Variants in ZSCAN9 observed in about 807,000 individuals in gnomAD.
The protein encoded by ZSCAN9 is zinc finger and SCAN domain containing 9, also known as zinc finger and SCAN domain-containing protein 9.
ZSCAN9 carries 19 observed loss-of-function variants against 23.0 expected under a neutral mutation model. That is an observed-to-expected ratio of 0.83 (90% CI 0.58 to 1.21). The LOEUF (loss-of-function observed/expected upper bound fraction) is 1.21. Among genes scored for constraint, ZSCAN9 ranks in the 50% most tolerant of loss-of-function variants. ZSCAN9 has a pLI of 0.00. For missense variants in ZSCAN9, 467 were observed against 471.5 expected, an observed-to-expected ratio of 0.99 and a Z score of 0.09; for synonymous variants, 155 against 164.8, an observed-to-expected ratio of 0.94 and a Z score of 0.46.
chr6:28,230,098 T>G (rs762217970), intron 3 of ZSCAN9, among the ~76,000 whole-genome samples: 1 of 152,086 alleles, frequency 6.6e-6, no homozygotes, highest in East Asian at 1.9e-4. Context: ...ACCTCGTGAT[T>G]CGCCCGCCTC....
Position 28,233,286 on chromosome 6 carries a change from A to C in ZSCAN9, c.*108A>C. ...TTCTCCATGAAATGTGTTTGAAACA[A>C]ATCCTGACTTAAGGCCCAGGGACTT... On this transcript the variant is annotated 3_prime_UTR_variant, in exon 4 of 4. Coordinates refer to ENST00000252207, the MANE Select transcript of ZSCAN9 (RefSeq NM_006299.5). 6.6e-7 allele frequency: 1 copy of C among 1,505,060 alleles called. No individual in the cohort carries two copies. Among genetic ancestry groups the C allele is most frequent in the Middle Eastern group, 2.4e-4 (1 of 4,116 alleles). 93.2% of individuals were successfully genotyped at this position (1,505,060 alleles called of 1,614,324 possible). A position where few individuals can be genotyped will look rare whatever the true frequency, so the allele number is the denominator to read the frequency against.
chr6:28,230,125 G>A (rs529797224), intron 3 of ZSCAN9, among the ~76,000 whole-genome samples: 1 of 152,306 alleles, frequency 6.6e-6, no homozygotes, highest in East Asian at 1.9e-4. Flanking sequence ...CCGAAGTGCT[G>A]GGATTACAGG....
In ZSCAN9 at chr6:28,227,226, A is replaced by C. The variant is rs1385266081; in HGVS notation, c.142A>C (p.Arg48=). The C allele has an allele frequency of 6.2e-7, 1 of 1,614,240 alleles. No homozygotes were observed. Among genetic ancestry groups the C allele is most frequent in the East Asian group, 2.2e-5 (1 of 44,886 alleles). ...SRLKRSNPLA[R]EIFRRHFRQL... is the part of the protein sequence containing the mutation. ...ACTGAAACGCAGTAATCCACTGGCA[A>C]GGGAAATCTTCCGAAGGCACTTTCG... Residue 48 remains arginine, a synonymous_variant, in exon 2 of 4, where the codon AGG becomes CGG. Coordinates refer to ENST00000252207, the MANE Select transcript of ZSCAN9 (RefSeq NM_006299.5).
At position 28,233,173 on chromosome 6, in the gene ZSCAN9, G is replaced by T. The variant is rs1197032968; in HGVS notation, c.1180G>T (p.Val394Phe). The change falls in exon 4 of 4, where the codon GTC (valine) becomes TTC (phenylalanine). Residue 394 changes from valine (V) to phenylalanine (F), a missense_variant. Coordinates refer to ENST00000252207, the MANE Select transcript of ZSCAN9 (RefSeq NM_006299.5). ...GAAGATCCACACAGTGGCTGAGCTG[G>T]TCTAGGGCTTGGCTATGAGCAAGTT... is the stretch of plus-strand genomic sequence containing the variant. ...HQKIHTVAEL[V>F] The T allele has an allele frequency of 6.2e-7, 1 of 1,611,050 alleles. No individual in the cohort carries two copies. Among genetic ancestry groups the T allele is most frequent in the East Asian group, 2.2e-5 (1 of 44,816 alleles).
Position 28,233,389 on chromosome 6 carries a change from G to A in ZSCAN9, c.*211G>A. ...TACCTCTTTCTTACTCTTACTAGCT[G>A]TGTCCCTCTTATTTATAATTTATTT... On this transcript the variant is annotated 3_prime_UTR_variant, in exon 4 of 4. Coordinates refer to ENST00000252207, the MANE Select transcript of ZSCAN9 (RefSeq NM_006299.5). 1.5e-6 allele frequency: 1 copy of A among 666,182 alleles called. No homozygotes were observed. Among genetic ancestry groups the A allele is most frequent in the Non-Finnish European group, 2.3e-6 (1 of 443,954 alleles). 41.3% of individuals were successfully genotyped at this position (666,182 alleles called of 1,614,324 possible). A position where few individuals can be genotyped will look rare whatever the true frequency, so the allele number is the denominator to read the frequency against.
chr6:28,227,090 T>C lies in ZSCAN9; in HGVS notation c.6T>C (p.Asn2=). 1.2e-6 allele frequency: 2 copies of C among 1,613,052 alleles called. No homozygotes were observed. Among genetic ancestry groups the C allele is most frequent in the Non-Finnish European group, 1.7e-6 (2 of 1,179,392 alleles). Residue 2 remains asparagine, a synonymous_variant, in exon 2 of 4, where the codon AAT becomes AAC. Transcript: ENST00000252207. ...TTAAGCTGTTCAAGGTCAAGATGAA[T>C]ACAAACTCAAAGGAGGTTTTATCCC... M[N]TNSKEVLSLG...
In ZSCAN9 at chr6:28,232,930, A is replaced by G. The variant is rs1760362270; in HGVS notation, c.937A>G (p.Lys313Glu). The part of the protein sequence containing the change: ...IHNIQKRYHC[K>E]ECGKVFSQSA... ...CAATATACAGAAACGGTACCACTGC[A>G]AGGAGTGTGGGAAGGTCTTCAGTCA... Residue 313 changes from lysine (K) to glutamate (E), a missense_variant, in exon 4 of 4, where the codon AAG becomes GAG. By Grantham distance (56) the Lys-to-Glu change is moderately conservative (BLOSUM62 1). Transcript: ENST00000252207. 1.2e-6 allele frequency: 2 copies of G among 1,614,224 alleles called. No individual in the cohort carries two copies. The highest frequency in any genetic ancestry group is 1.7e-6 in the Non-Finnish European group (2 of 1,180,032).
rs1233663 is a variant in ZSCAN9, at chr6:28,232,454, C to A, written c.569-108C>A. 1.8e-3 allele frequency: 2,692 copies of A among 1,497,338 alleles called. 13 individuals carry two copies. Among genetic ancestry groups the A allele is most frequent in the African/African-American group, 0.012 (826 of 70,556 alleles). The allele number at this position is 1,497,338 out of a possible 1,614,324, so 92.8% of individuals were successfully genotyped here. On this transcript the variant is annotated intron_variant, in intron 3 of 3. Transcript: ENST00000252207. ...GGAAAGTGTTACCACACTAGCCCTT[C>A]TGTTTCTAGCCCACTTCCTTTTCTA...
intron 1 of ZSCAN9, among the ~76,000 whole-genome samples, chr6:28,226,676 C>A (rs903634616): frequency 6.6e-6 from 1 of 152,036 alleles, no homozygotes; most frequent in Non-Finnish European, 1.5e-5. Context: ...TGACGTAATC[C>A]CAGCACTTTG....
intron 3 of ZSCAN9, among the ~76,000 whole-genome samples, chr6:28,232,318 G>A (rs1409344206): frequency 6.6e-6 from 1 of 151,958 alleles, no homozygotes; most frequent in Non-Finnish European, 1.5e-5. Context: ...GCTACAGAGT[G>A]ACACTCTGGC....
chr6:28,230,212 G>A (rs1310791481), intron 3 of ZSCAN9: 1 of 835,046 alleles, frequency 1.2e-6, no homozygotes, highest in East Asian at 2.8e-5. Context: ...GTTTTGTGGT[G>A]AGTCAGTTTG....
At chr6:28,227,876 C>A (rs1205344642) in intron 3 of ZSCAN9, 39 bp downstream of exon 3, 2 of 1,610,722 alleles carry the variant, frequency 1.2e-6, no homozygotes, top group Non-Finnish European at 1.7e-6. Flanking sequence ...ACGAATCCCA[C>A]CTGGTCAAGC....
At chr6:28,226,901 A>G in intron 1 of ZSCAN9, 111 bp from the exon 2 acceptor site, 2 of 528,754 alleles carry the variant, frequency 3.8e-6, no homozygotes, top group South Asian at 3.5e-5. Context: ...TTGGTCACCA[A>G]ATCACTTTTC....
In ZSCAN9 at chr6:28,232,849, G is replaced by C; in HGVS notation, c.856G>C (p.Glu286Gln). ...HTGERPYECN[E>Q]CGKAFSRSSG... ...TGGAGAAAGACCTTATGAATGTAAT[G>C]AATGTGGGAAAGCCTTCAGTCGAAG... Residue 286 changes from glutamate (E) to glutamine (Q), a missense_variant, in exon 4 of 4, where the codon GAA becomes CAA. Transcript: ENST00000252207. The C allele has an allele frequency of 6.2e-7, 1 of 1,614,188 alleles. No homozygotes were observed. Among genetic ancestry groups the C allele is most frequent in the Non-Finnish European group, 8.5e-7 (1 of 1,180,036 alleles).
chr6:28,228,465 T>C (rs1029890592), intron 3 of ZSCAN9: 1 of 185,680 alleles, frequency 5.4e-6, no homozygotes, highest in African/African-American at 2.4e-5. Context: ...CTCTCTCATC[T>C]TATAAGGACA....
chr6:28,227,754 C>T lies in ZSCAN9; in HGVS notation c.485C>T (p.Thr162Ile), dbSNP rs373750872. 8 of 1,612,912 alleles carry T rather than the reference C, an allele frequency of 5.0e-6. No homozygotes were observed. The African/African-American group carries it at 9.4e-5, about 19-fold the overall frequency. Residue 162 changes from threonine (T) to isoleucine (I), a missense_variant, in exon 3 of 4, where the codon ACA becomes ATA. Transcript: ENST00000252207. ...GAGATGGTGCCTCTAGCAGAGCAGACACCACTGACCCTTCAGTCCCAGCCT... is the reference window on the plus strand; with the variant it reads ...GAGATGGTGCCTCTAGCAGAGCAGATACCACTGACCCTTCAGTCCCAGCCT... ...CKEMVPLAEQ[T>I]PLTLQSQPKE...
chr6:28,228,213 T>C, intron 3 of ZSCAN9: 1 of 592,638 alleles, frequency 1.7e-6, no homozygotes, highest in Non-Finnish European at 3.0e-6. Context: ...AGATCCCTCA[T>C]CTACAAAATG....
At chr6:28,227,900 A>T (rs1760170238) in intron 3 of ZSCAN9, 63 bp downstream of exon 3, 1 of 1,590,022 alleles carries the variant, frequency 6.3e-7, no homozygotes, top group Admixed American at 1.7e-5. Flanking sequence ...AACAAACAAT[A>T]AACCCAGAGC....
intron 1 of ZSCAN9, among the ~76,000 whole-genome samples, chr6:28,226,071 CAAAA>C (rs1485434293): frequency 6.6e-6 from 1 of 152,172 alleles, no homozygotes; most frequent in Non-Finnish European, 1.5e-5. Flanking sequence ...GGATTGTCCT[CAAAA>C]AGAAGTTGAC....
Sources: gnomAD v4.1 joint callset for allele counts (sites outside exome capture counted in the v4.1 genomes callset) on GRCh38, gnomAD v4.1.1 for gene constraint, MANE v1.5 for transcripts, NCBI Gene and HGNC (gene_info 2026-07-23, HGNC 2026-07-21) for gene names.